MAPT: variants seen among roughly 807,000 people sequenced by gnomAD.
MAPT encodes the protein microtubule associated protein tau, also known as microtubule-associated protein tau.
In MAPT, 34 loss-of-function variants were observed where a neutral mutation model predicts 67.9. The ratio of observed to expected loss-of-function variants is 0.50; its 90% confidence interval spans 0.38 to 0.67. MAPT has a LOEUF of 0.67. MAPT is among the 30% of genes least tolerant of loss of function. MAPT has a pLI of 0.00. For missense variants in MAPT, 881 were observed against 1,115.2 expected (o/e 0.79, Z 2.99); for synonymous variants, 456 against 464.5 (o/e 0.98, Z 0.23).
At chr17:45,963,577 A>T (rs755816706) in intron 2 of MAPT, among the ~76,000 whole-genome samples, 1 of 152,164 alleles carries the variant, frequency 6.6e-6, no homozygotes, top group African/African-American at 2.4e-5. Context: ...CTCCATACCC[A>T]TTTCTAAGGA....
chr17:45,932,093 A>G (rs1050753406), intron 1 of MAPT: 15 of 151,804 alleles, frequency 9.9e-5, no homozygotes, highest in African/African-American at 2.7e-4. Flanking sequence ...AAAAAAAGAA[A>G]AAAAAAAAAG....
At chr17:46,017,440 ATTTTTTTTTTTTTTTT>A (rs76980614) in intron 11 of MAPT, among the ~76,000 whole-genome samples, 8 of 63,004 alleles carry the variant, frequency 1.3e-4, no homozygotes, top group Admixed American at 3.7e-4. Flanking sequence ...TGCCTGGCTA[ATTTTTTTTTTTTTTTT>A]TTTTTTTTTT....
chr17:45,998,125 C>T (rs1333021668), intron 9 of MAPT, among the ~76,000 whole-genome samples: 1 of 152,088 alleles, frequency 6.6e-6, no homozygotes, highest in Non-Finnish European at 1.5e-5. Context: ...CTTGCCTCCC[C>T]CACGCAGGCG....
chr17:45,947,879 T>C (rs892322285), intron 1 of MAPT, among the ~76,000 whole-genome samples: 2 of 152,180 alleles, frequency 1.3e-5, no homozygotes, highest in African/African-American at 4.8e-5. Flanking sequence ...AAATTATCTA[T>C]ACTCATTGAA....
chr17:46,000,440 G>A lies in MAPT; in HGVS notation c.1998+3776G>A, dbSNP rs551636700. On this transcript the variant is annotated intron_variant, in intron 9 of 12. Coordinates refer to ENST00000262410, the MANE Select transcript of MAPT (RefSeq NM_001377265.1). ...CAGCTGGGTAGGGGTAGAGATTGCAGGCAAGGAGGAGGAGCTGGGTGGGGT... is the reference window on the plus strand; with the variant it reads ...CAGCTGGGTAGGGGTAGAGATTGCAAGCAAGGAGGAGGAGCTGGGTGGGGT... 3.9e-5 allele frequency among the ~76,000 whole-genome samples: 6 copies of A among 152,298 alleles called. No homozygotes were observed. In the East Asian group the frequency reaches 1.2e-3, roughly 29 times the overall value.
At chr17:46,012,035 C>A (rs572961529) in intron 10 of MAPT, among the ~76,000 whole-genome samples, 2 of 152,312 alleles carry the variant, frequency 1.3e-5, no homozygotes, top group Non-Finnish European at 1.5e-5. Context: ...GCCGCCCCCA[C>A]CCCTGCCCGG....
chr17:46,022,326 C>T (rs1052031509), intron 12 of MAPT, among the ~76,000 whole-genome samples: 1 of 130,114 alleles, frequency 7.7e-6, no homozygotes, highest in African/African-American at 3.0e-5. Context: ...TGCACTCCAG[C>T]GTGGGTGACA....
At chr17:45,988,433 G>A (rs906641905) in intron 6 of MAPT, among the ~76,000 whole-genome samples, 4 of 151,992 alleles carry the variant, frequency 2.6e-5, no homozygotes, top group African/African-American at 4.8e-5. Context: ...ATGCCCACCC[G>A]TCAAAATCCC....
intron 1 of MAPT, among the ~76,000 whole-genome samples, chr17:45,920,945 C>T (rs950808346): frequency 2.6e-5 from 4 of 152,192 alleles, no homozygotes; most frequent in African/African-American, 2.4e-5. Context: ...ATTTTAATGG[C>T]AAATTATAGT....
rs1000601499 is a variant in MAPT at position 45,915,359 on chromosome 17, C to T, written c.-18+20673C>T. On this transcript the variant is annotated intron_variant, in intron 1 of 12. Transcript: ENST00000262410. This position sits in a 1 kb window ranked among gnomAD's most constrained non-coding sequence, Gnocchi z 4.4. Reference sequence around the variant, plus strand: ...TGAAGTATGTGGTGTGTATGTGTGACGTGAGGTGTGTGTGGTGTGTGAGTT... The same window carrying T: ...TGAAGTATGTGGTGTGTATGTGTGATGTGAGGTGTGTGTGGTGTGTGAGTT... Among the ~76,000 whole-genome samples, 6 of 145,656 alleles carry T rather than the reference C, an allele frequency of 4.1e-5. No individual in the cohort carries two copies. Among genetic ancestry groups the T allele is most frequent in the East Asian group, 2.0e-4 (1 of 4,928 alleles).
intron 6 of MAPT, among the ~76,000 whole-genome samples, chr17:45,987,915 A>T (rs2073722085): frequency 6.6e-6 from 1 of 152,200 alleles, no homozygotes; most frequent in South Asian, 2.1e-4. Context: ...GGGGGCAGGG[A>T]ATACCAGCCT....
chr17:46,013,534 T>C (rs2146070085), intron 10 of MAPT, among the ~76,000 whole-genome samples: 1 of 152,370 alleles, frequency 6.6e-6, no homozygotes, highest in East Asian at 1.9e-4. Context: ...GTTTCTGCTG[T>C]GCCACCTACC....
intron 1 of MAPT, among the ~76,000 whole-genome samples, chr17:45,917,482 G>A (rs565573829): frequency 6.6e-6 from 1 of 152,306 alleles, no homozygotes; most frequent in East Asian, 1.9e-4. Context: ...CTTTGCCCCT[G>A]CTTAAAAACT....
At chr17:45,927,016 CACAT>C (rs1352886534) in intron 1 of MAPT, among the ~76,000 whole-genome samples, 2 of 150,164 alleles carry the variant, frequency 1.3e-5, no homozygotes, top group Non-Finnish European at 2.9e-5. Flanking sequence ...TATACACACA[CACAT>C]ACATACATGT....
At chr17:46,013,894 T>TAC (rs1415345331) in intron 10 of MAPT, among the ~76,000 whole-genome samples, 4 of 152,222 alleles carry the variant, frequency 2.6e-5, no homozygotes, top group African/African-American at 4.8e-5. Context: ...GTGACATTTT[T>TAC]ACACTTAAGC....
At chr17:45,935,424 C>T (rs550878367) in intron 1 of MAPT, among the ~76,000 whole-genome samples, 3 of 152,276 alleles carry the variant, frequency 2.0e-5, no homozygotes, top group Non-Finnish European at 4.4e-5. Flanking sequence ...CAGAGGTAGG[C>T]ACGCAGCTGG....
chr17:45,927,626 C>T lies in MAPT; in HGVS notation c.-18+32940C>T, dbSNP rs149633701. ...AGCATGTAGAAAGTTTAAATAATTCCCCTCTTTACAACAAAACAAAACATA... is the reference window on the plus strand; with the variant it reads ...AGCATGTAGAAAGTTTAAATAATTCTCCTCTTTACAACAAAACAAAACATA... On this transcript the variant is annotated intron_variant, in intron 1 of 12. Coordinates refer to ENST00000262410, the MANE Select transcript of MAPT (RefSeq NM_001377265.1). Among the ~76,000 whole-genome samples the T allele has an allele frequency of 2.9e-4, 44 of 152,172 alleles. 1 individual carries two copies. The Middle Eastern group carries it at 0.02, about 71-fold the overall frequency.
At chr17:45,977,905 T>G (rs533537907) in intron 3 of MAPT, 1 of 169,308 alleles carries the variant, frequency 5.9e-6, no homozygotes, top group South Asian at 1.5e-4. Context: ...GATGAGGAAA[T>G]GGAGGCTCAG....
At chr17:45,997,586 C>T (rs1271719973) in intron 9 of MAPT, among the ~76,000 whole-genome samples, 2 of 152,144 alleles carry the variant, frequency 1.3e-5, no homozygotes, top group Admixed American at 6.5e-5. Flanking sequence ...GGTGAAACCT[C>T]GTCTCTACTA....
Sources: gnomAD v4.1 joint callset for allele counts (sites outside exome capture counted in the v4.1 genomes callset) on GRCh38, gnomAD v4.1.1 for gene constraint, Gnocchi (gnomAD v3.1) non-coding constraint, MANE v1.5 for transcripts, NCBI Gene and HGNC (gene_info 2026-07-23, HGNC 2026-07-21) for gene names.